SOX7: variants seen among roughly 807,000 people sequenced by gnomAD.
SOX7 encodes transcription factor SOX-7.
SOX7 carries 19 observed loss-of-function variants against 24.9 expected under a neutral mutation model. The ratio of observed to expected loss-of-function variants is 0.76; its 90% CI spans 0.53 to 1.12. The LOEUF is 1.12. Ranked by LOEUF, SOX7 falls within the 50% of genes most tolerant of loss-of-function variation. SOX7 has a pLI of 0.00. For synonymous variants in SOX7, 327 were observed against 244.5 expected, an observed-to-expected ratio of 1.34 and a Z score of -3.15; for missense variants, 702 against 535.0, an observed-to-expected ratio of 1.31 and a Z score of -3.08.
At chr8:10,726,697 C>T in intron 1 of SOX7, 31 bp from the exon 2 acceptor site, 1 of 1,533,826 alleles carries the variant, frequency 6.5e-7, no homozygotes, top group Non-Finnish European at 8.7e-7. Context: ...AGGCCATGCT[C>T]AGTGCTGTGC....
Position 10,726,586 on chromosome 8 carries a change from G to C in SOX7, c.319C>G (p.Gln107Glu), listed in dbSNP as rs557929877. 2.5e-6 allele frequency: 4 copies of C among 1,610,432 alleles called. No homozygotes were observed. The South Asian group carries it at 3.3e-5, about 13-fold the overall frequency. ...EAERLRLQHM[Q>E]DYPNYKYRPR... ...CGGTACTTGTAGTTGGGGTAGTCCT[G>C]CATGTGCTGCAGGCGCAGCCGCTCC... The change falls in exon 2 of 2, where the codon CAG (glutamine) becomes GAG (glutamate). Residue 107 changes from glutamine to glutamate, a missense_variant. By Grantham distance (29) the Gln-to-Glu change is conservative. Coordinates refer to ENST00000304501, the MANE Select transcript of SOX7 (RefSeq NM_031439.4).
chr8:10,725,575 G>C lies in SOX7; in HGVS notation c.*163C>G. 1.5e-6 allele frequency: 1 copy of C among 669,758 alleles called. No homozygotes were observed. The highest frequency in any genetic ancestry group is 1.9e-5 in the South Asian group (1 of 52,558). 41.5% of individuals were successfully genotyped at this position (669,758 alleles called of 1,614,324 possible). A position where few individuals can be genotyped will look rare whatever the true frequency, so the allele number is the denominator to read the frequency against. ...GGGGAAGGGGATAGAGGCGGCACTC[G>C]GATAAGGAGAGTCCAGCTTAGGCCA... On this transcript the variant is annotated 3_prime_UTR_variant, in exon 2 of 2. Transcript: ENST00000304501.
rs771638446 is a variant in SOX7, at chr8:10,724,523, C to T, written c.*1215G>A. The T allele has an allele frequency of 6.6e-6, 1 of 152,108 alleles. No individual in the cohort carries two copies. Among genetic ancestry groups the T allele is most frequent in the Non-Finnish European group, 1.5e-5 (1 of 68,028 alleles). The allele number at this position is 152,108 out of a possible 1,614,324, so 9.4% of individuals were successfully genotyped here. A position where few individuals can be genotyped will look rare whatever the true frequency, so the allele number is the denominator to read the frequency against. On this transcript the variant is annotated 3_prime_UTR_variant, in exon 2 of 2. Coordinates refer to ENST00000304501, the MANE Select transcript of SOX7 (RefSeq NM_031439.4). ...AATCTACAGAGGGGAAAGTGTGTAT[C>T]CAGATTTGAAGACAGTGACTTTGCT...
At chr8:10,726,943 CACT>C in intron 1 of SOX7, among the ~76,000 whole-genome samples, 1 of 152,356 alleles carries the variant, frequency 6.6e-6, no homozygotes. Context: ...AGCGTGCCCA[CACT>C]ACAATGCGGG....
chr8:10,725,521 T>C lies in SOX7; in HGVS notation c.*217A>G. 1.7e-6 allele frequency: 1 copy of C among 588,768 alleles called. No homozygotes were observed. The highest frequency in any genetic ancestry group is 3.0e-6 in the Non-Finnish European group (1 of 331,350). 36.5% of individuals were successfully genotyped at this position (588,768 alleles called of 1,614,324 possible). On this transcript the variant is annotated 3_prime_UTR_variant, in exon 2 of 2. Transcript: ENST00000304501. ...GAAAACTCACTTGAAGGAATATACT[T>C]AAAATGTGGGCTGCAGGGGCTGGAA...
Position 10,725,697 on chromosome 8 carries a change from G to A in SOX7, c.*41C>T, listed in dbSNP as rs548912684. On this transcript the variant is annotated 3_prime_UTR_variant, in exon 2 of 2. Coordinates refer to ENST00000304501, the MANE Select transcript of SOX7 (RefSeq NM_031439.4). ...TCCTCTGCCACTCAAGGCACAAGAAGGAGAGGGCGCGAGGGCTGACCGGAC... is the reference window on the plus strand; with the variant it reads ...TCCTCTGCCACTCAAGGCACAAGAAAGAGAGGGCGCGAGGGCTGACCGGAC... 7.5e-6 allele frequency: 12 copies of A among 1,608,150 alleles called. No homozygotes were observed. Among genetic ancestry groups the A allele is most frequent in the African/African-American group, 2.7e-5 (2 of 74,980 alleles).
intron 1 of SOX7, among the ~76,000 whole-genome samples, chr8:10,729,945 G>A (rs975566026): frequency 1.3e-5 from 2 of 152,094 alleles, no homozygotes; most frequent in African/African-American, 2.4e-5. Context: ...CTCCGCTCCT[G>A]TCCCAGCAGA....
At position 10,723,857 on chromosome 8, in the gene SOX7, A is replaced by C. The variant is rs765700493; in HGVS notation, c.*1881T>G. 3 of 152,684 alleles carry C rather than the reference A, an allele frequency of 2.0e-5. No homozygotes were observed. The highest frequency in any genetic ancestry group is 2.9e-5 in the Non-Finnish European group (2 of 68,040). The allele number at this position is 152,684 out of a possible 1,614,324, so 9.5% of individuals were successfully genotyped here. On this transcript the variant is annotated 3_prime_UTR_variant, in exon 2 of 2. Transcript: ENST00000304501. ...AAAGTATGAGTTGTTCTTTCAAAAA[A>C]ACGAAACAGTTTAGCTTAATGTCTG...
chr8:10,727,632 G>A (rs1447651204), intron 1 of SOX7, among the ~76,000 whole-genome samples: 2 of 152,248 alleles, frequency 1.3e-5, no homozygotes, highest in African/African-American at 2.4e-5. Flanking sequence ...TCAAGTTCCC[G>A]GAGCATCTTC....
intron 1 of SOX7, among the ~76,000 whole-genome samples, chr8:10,726,950 A>T (rs1800168160): frequency 6.6e-6 from 1 of 152,208 alleles, no homozygotes; most frequent in African/African-American, 2.4e-5. Flanking sequence ...CCACACTACA[A>T]TGCGGGGTCC....
At chr8:10,727,638 T>A (rs985934060) in intron 1 of SOX7, among the ~76,000 whole-genome samples, 1 of 152,216 alleles carries the variant, frequency 6.6e-6, no homozygotes. Context: ...TCCCGGAGCA[T>A]CTTCCCTCAT....
At chr8:10,728,769 C>G (rs1377786914) in intron 1 of SOX7, among the ~76,000 whole-genome samples, 1 of 152,222 alleles carries the variant, frequency 6.6e-6, no homozygotes, top group East Asian at 1.9e-4. Context: ...ACGGTCACAG[C>G]AGGGGCTTGC....
In SOX7 at chr8:10,724,914, G is replaced by C. The variant is rs1352247732; in HGVS notation, c.*824C>G. On this transcript the variant is annotated 3_prime_UTR_variant, in exon 2 of 2. Coordinates refer to ENST00000304501, the MANE Select transcript of SOX7 (RefSeq NM_031439.4). ...ATTTTGTATTTTTCATAGAGACAAGGTTTCACCATGTTGTCTAGGCTGGTC... is the reference window on the plus strand; with the variant it reads ...ATTTTGTATTTTTCATAGAGACAAGCTTTCACCATGTTGTCTAGGCTGGTC... 6.6e-6 allele frequency: 1 copy of C among 151,994 alleles called. No homozygotes were observed. Among genetic ancestry groups the C allele is most frequent in the Non-Finnish European group, 1.5e-5 (1 of 68,014 alleles). 9.4% of individuals were successfully genotyped at this position (151,994 alleles called of 1,614,324 possible).
intron 1 of SOX7, among the ~76,000 whole-genome samples, chr8:10,729,939 G>A (rs1331772189): frequency 6.6e-6 from 1 of 152,060 alleles, no homozygotes; most frequent in East Asian, 1.9e-4. Context: ...GCCGATCTCC[G>A]CTCCTGTCCC....
rs1371561506 is a variant in SOX7, at chr8:10,726,413, C to T, written c.492G>A (p.Glu164=). ...TGGGCAGGGCAGTGCCGGGGGAGTA[C>T]TCACCCCTGTCCTCCTTCTCCCCCA... is the stretch of plus-strand genomic sequence containing the variant. ...GALGEKEDRG[E]YSPGTALPSL... is the part of the protein sequence containing the mutation. The change falls in exon 2 of 2, where the codon GAG becomes GAA. Residue 164 remains glutamate (E), a synonymous_variant. Coordinates refer to ENST00000304501, the MANE Select transcript of SOX7 (RefSeq NM_031439.4). 6.2e-7 allele frequency: 1 copy of T among 1,612,122 alleles called. No individual in the cohort carries two copies. The highest frequency in any genetic ancestry group is 8.5e-7 in the Non-Finnish European group (1 of 1,179,464).
Position 10,730,170 on chromosome 8 carries a change from G to A in SOX7, c.238+26C>T. On this transcript the variant is annotated intron_variant, in intron 1 of 1. Coordinates refer to ENST00000304501, the MANE Select transcript of SOX7 (RefSeq NM_031439.4). The surrounding 1 kb of genome is among the most constrained non-coding windows in gnomAD (Gnocchi z 4.8). Reference sequence around the variant, plus strand: ...GCCCGCCGCCCGCCCCCGGCCCCCAGCCCGCTCGGCCGCGCGCTCACTCAC... The same window carrying A: ...GCCCGCCGCCCGCCCCCGGCCCCCAACCCGCTCGGCCGCGCGCTCACTCAC... The A allele has an allele frequency of 2.8e-6, 3 of 1,059,200 alleles. No individual in the cohort carries two copies. Among genetic ancestry groups the A allele is most frequent in the South Asian group, 3.2e-5 (2 of 61,710 alleles). The allele number at this position is 1,059,200 out of a possible 1,614,324, so 65.6% of individuals were successfully genotyped here.
chr8:10,726,010 G>T lies in SOX7; in HGVS notation c.895C>A (p.His299Asn), dbSNP rs375681650. Residue 299 changes from histidine to asparagine, a missense_variant, in exon 2 of 2, where the codon CAC becomes AAC. Coordinates refer to ENST00000304501, the MANE Select transcript of SOX7 (RefSeq NM_031439.4). ...YHPLHSNLQAHLGQLSPPPEH... is the reference protein window; with the variant it reads ...YHPLHSNLQANLGQLSPPPEH... ...GGAGGCGGGGAAAGCTGGCCCAGGT[G>T]GGCTTGGAGGTTGGAGTGGAGTGGG... is the stretch of plus-strand genomic sequence containing the variant. 2 of 1,588,232 alleles carry T rather than the reference G, an allele frequency of 1.3e-6. No individual in the cohort carries two copies. The highest frequency in any genetic ancestry group is 1.7e-6 in the Non-Finnish European group (2 of 1,166,178).
chr8:10,726,384 A>C lies in SOX7; in HGVS notation c.521T>G (p.Leu174Arg). 1 of 1,612,304 alleles carries C rather than the reference A, an allele frequency of 6.2e-7. No individual in the cohort carries two copies. The highest frequency in any genetic ancestry group is 1.1e-5 in the South Asian group (1 of 90,974). ...CGGCCCCTCGTGGTAGCAGCCCCGG[A>C]GGCTGGGCAGGGCAGTGCCGGGGGA... ...EYSPGTALPSLRGCYHEGPAG... is the reference protein window; with the variant it reads ...EYSPGTALPSRRGCYHEGPAG... Residue 174 changes from leucine to arginine, a missense_variant, in exon 2 of 2, where the codon CTC becomes CGC. By Grantham distance (102) the Leu-to-Arg change is moderately radical (BLOSUM62 -2). Coordinates refer to ENST00000304501, the MANE Select transcript of SOX7 (RefSeq NM_031439.4).
At chr8:10,728,254 A>G (rs1800193428) in intron 1 of SOX7, among the ~76,000 whole-genome samples, 1 of 152,226 alleles carries the variant, frequency 6.6e-6, no homozygotes, top group Non-Finnish European at 1.5e-5. Context: ...AAATGCTACC[A>G]AAGGTCTACT....
Sources: gnomAD v4.1 joint callset for allele counts (sites outside exome capture counted in the v4.1 genomes callset) on GRCh38, gnomAD v4.1.1 for gene constraint, Gnocchi (gnomAD v3.1) non-coding constraint, MANE v1.5 for transcripts, NCBI Gene and HGNC (gene_info 2026-07-23, HGNC 2026-07-21) for gene names.